Variants in CNTN5 observed in about 807,000 individuals in gnomAD.
The protein encoded by CNTN5 is contactin 5, also known as contactin-5.
CNTN5 carries 77 observed loss-of-function variants against 129.1 expected under a neutral mutation model. The ratio of observed to expected loss-of-function variants is 0.60; its 90% CI spans 0.50 to 0.72. The LOEUF (loss-of-function observed/expected upper bound fraction) is 0.72. Among genes scored for constraint, CNTN5 ranks in the 30% least tolerant of loss-of-function variants. The pLI is 0.00. For synonymous variants in CNTN5, 509 were observed against 465.6 expected (o/e 1.09, Z -1.20); for missense variants, 1,478 against 1,328.8 (o/e 1.11, Z -1.75).
chr11:99,644,963 G>C (rs1238827623), intron 3 of CNTN5, among the ~76,000 whole-genome samples: 1 of 151,450 alleles, frequency 6.6e-6, no homozygotes, highest in Admixed American at 6.6e-5. Flanking sequence ...CAAACAAAAA[G>C]ATATGAAAAA....
intron 1 of CNTN5, among the ~76,000 whole-genome samples, chr11:99,284,608 TG>T (rs1863844967): frequency 1.0e-4 from 1 of 10,002 alleles, no homozygotes. Flanking sequence ...GTGGTGTGTG[TG>T]TGTGTGTGTG....
chr11:99,930,566 C>T (rs1246274417), intron 7 of CNTN5, among the ~76,000 whole-genome samples: 1 of 152,158 alleles, frequency 6.6e-6, no homozygotes, highest in Non-Finnish European at 1.5e-5. Context: ...CTGCCCTGTT[C>T]ATATCTGCCT....
intron 1 of CNTN5, among the ~76,000 whole-genome samples, chr11:99,125,470 A>G (rs1180608032): frequency 6.6e-6 from 1 of 152,158 alleles, no homozygotes; most frequent in African/African-American, 2.4e-5. Flanking sequence ...AATAAGAGCC[A>G]TCTATGACAA....
intron 1 of CNTN5, among the ~76,000 whole-genome samples, chr11:99,133,096 AG>A (rs2135439290): frequency 6.6e-6 from 1 of 152,258 alleles, no homozygotes; most frequent in South Asian, 2.1e-4. Flanking sequence ...CCCAGAAATA[AG>A]GCCACACACC....
intron 1 of CNTN5, among the ~76,000 whole-genome samples, chr11:99,104,356 T>C (rs918888136): frequency 1.3e-5 from 2 of 151,922 alleles, no homozygotes; most frequent in South Asian, 2.1e-4. Flanking sequence ...ATCTACCAAG[T>C]AGAAGGCAGT....
At chr11:100,079,584 C>T (rs1035129422) in intron 13 of CNTN5, among the ~76,000 whole-genome samples, 2 of 151,974 alleles carry the variant, frequency 1.3e-5, no homozygotes, top group African/African-American at 4.8e-5. Context: ...AGGCCATGTG[C>T]AAATAGACAA....
intron 3 of CNTN5, among the ~76,000 whole-genome samples, chr11:99,576,118 G>A (rs1267536487): frequency 2.0e-5 from 3 of 152,132 alleles, no homozygotes; most frequent in African/African-American, 4.8e-5. Flanking sequence ...ACAAATAACC[G>A]CTTTTTCCCT....
chr11:99,364,380 T>A (rs564544642), intron 2 of CNTN5, among the ~76,000 whole-genome samples: 1 of 152,250 alleles, frequency 6.6e-6, no homozygotes, highest in African/African-American at 2.4e-5. Context: ...ATCTAACATA[T>A]ATTTAGCATA....
intron 13 of CNTN5, among the ~76,000 whole-genome samples, chr11:100,105,983 T>G (rs183938139): frequency 9.2e-5 from 14 of 152,208 alleles, no homozygotes; most frequent in Non-Finnish European, 5.9e-5. Context: ...GTATACTTTT[T>G]AATGGAACAC....
At chr11:99,435,286 A>G (rs188609488) in intron 2 of CNTN5, among the ~76,000 whole-genome samples, 597 of 152,258 alleles carry the variant, frequency 3.9e-3, no homozygotes, top group Non-Finnish European at 6.4e-3. Flanking sequence ...AACAATGTCC[A>G]TATCTTAGTC....
chr11:100,224,819 A>T lies in CNTN5; in HGVS notation c.2005+7A>T. ...GCAGAACTTCTTGTTAGGGGTGAGTATGCTAATAGTGCAGTCTGAAGACAT... is the reference window on the plus strand; with the variant it reads ...GCAGAACTTCTTGTTAGGGGTGAGTTTGCTAATAGTGCAGTCTGAAGACAT... On this transcript the variant is annotated splice_region_variant and intron_variant, in intron 16 of 24. Transcript: ENST00000524871. 6.2e-7 allele frequency: 1 copy of T among 1,612,738 alleles called. No homozygotes were observed. Among genetic ancestry groups the T allele is most frequent in the Non-Finnish European group, 8.5e-7 (1 of 1,178,918 alleles).
In CNTN5 at chr11:99,649,183, A is replaced by C. The variant is rs567977264; in HGVS notation, c.55+92914A>C. On this transcript the variant is annotated intron_variant, in intron 3 of 24. Transcript: ENST00000524871. The stretch of plus-strand genomic sequence containing the variant: ...AAATAGAAACAATTATTGTGAATTT[A>C]AAAATAAATAATATTGAAAAATAGT... Among the ~76,000 whole-genome samples the C allele has an allele frequency of 5.6e-5, 8 of 142,238 alleles. No homozygotes were observed. The South Asian group carries it at 1.9e-3, about 34-fold the overall frequency. The allele number at this position is 142,238 out of a possible 152,430, so 93.3% of individuals were successfully genotyped here.
At chr11:99,333,653 T>C (rs919839275) in intron 2 of CNTN5, among the ~76,000 whole-genome samples, 5 of 152,024 alleles carry the variant, frequency 3.3e-5, no homozygotes, top group African/African-American at 1.2e-4. Context: ...TGAGATTTTA[T>C]TTGGGGTTAA....
At chr11:99,674,097 C>G (rs991971033) in intron 3 of CNTN5, among the ~76,000 whole-genome samples, 6 of 152,176 alleles carry the variant, frequency 3.9e-5, no homozygotes, top group African/African-American at 1.4e-4. Context: ...ATTCCTTTTT[C>G]TCCACAACTT....
At chr11:99,963,770 T>G (rs1163320607) in intron 8 of CNTN5, among the ~76,000 whole-genome samples, 3 of 152,238 alleles carry the variant, frequency 2.0e-5, no homozygotes, top group African/African-American at 7.2e-5. Flanking sequence ...TTTCACAATA[T>G]TGATTCTTCC....
At chr11:99,136,241 C>T (rs1893150) in intron 1 of CNTN5, among the ~76,000 whole-genome samples, 137,993 of 151,832 alleles carry the variant, frequency 0.91, 62,960 homozygotes, top group East Asian at 0.99. Flanking sequence ...CTGCGAAAAC[C>T]CTCCTCACCC....
chr11:99,894,677 G>C (rs1949158319), intron 6 of CNTN5, among the ~76,000 whole-genome samples: 1 of 152,034 alleles, frequency 6.6e-6, no homozygotes, highest in African/African-American at 2.4e-5. Flanking sequence ...AATGACTTTT[G>C]GTTAGCTGTT....
intron 1 of CNTN5, among the ~76,000 whole-genome samples, chr11:99,210,848 G>T (rs570620273): frequency 0.015 from 2,236 of 151,870 alleles, 65 homozygotes; most frequent in African/African-American, 0.051. Flanking sequence ...GCTCTAGAAG[G>T]GCAGATAGCA....
intron 2 of CNTN5, among the ~76,000 whole-genome samples, chr11:99,408,157 G>A (rs146613138): frequency 1.5e-3 from 227 of 152,028 alleles, no homozygotes; most frequent in African/African-American, 5.2e-3. Flanking sequence ...CCATCTTGCT[G>A]CAGCCCTCCT....
Sources: gnomAD v4.1 joint callset for allele counts (sites outside exome capture counted in the v4.1 genomes callset) on GRCh38, gnomAD v4.1.1 for gene constraint, MANE v1.5 for transcripts, NCBI Gene and HGNC (gene_info 2026-07-23, HGNC 2026-07-21) for gene names.